The following DACT2 variants were observed in gnomAD, a reference collection of about 807,000 sequenced individuals.
DACT2 encodes the protein dishevelled binding antagonist of beta catenin 2.
In DACT2, 20 loss-of-function variants were observed where a neutral mutation model predicts 22.2. The ratio of observed to expected loss-of-function variants is 0.90; its 90% confidence interval spans 0.63 to 1.31. The LOEUF is 1.31. DACT2 is among the 50% of genes most tolerant of loss of function. The probability of loss-of-function intolerance (pLI) is 0.00; values close to 1 mark genes in which losing one functional copy is unlikely to be tolerated. For synonymous variants in DACT2, 463 were observed against 479.8 expected, an observed-to-expected ratio of 0.96 and a Z score of 0.46; for missense variants, 1,048 against 1,061.4, an observed-to-expected ratio of 0.99 and a Z score of 0.18.
In DACT2 at chr6:168,307,697, C is replaced by T. The variant is rs200959284; in HGVS notation, c.2060G>A (p.Ser687Asn). The change falls in exon 4 of 4, where the codon AGT (serine) becomes AAT (asparagine). Residue 687 changes from serine (S) to asparagine (N), a missense_variant. By Grantham distance (46) the Ser-to-Asn change is conservative. Transcript: ENST00000366795. The surrounding 1 kb of genome is among the most constrained non-coding windows in gnomAD (Gnocchi z 5.3). ...TCCGAATCGGTTGGTGGTGTGGTCACTGGACTCTCCCTCGCTGGTCTCCGG... is the reference window on the plus strand; with the variant it reads ...TCCGAATCGGTTGGTGGTGTGGTCATTGGACTCTCCCTCGCTGGTCTCCGG... ...VIPETSEGES[S>N]DHTTNRFGDR... 1,029 of 1,550,394 alleles carry T rather than the reference C, an allele frequency of 6.6e-4. 1 individual carries two copies. Among genetic ancestry groups the T allele is most frequent in the Non-Finnish European group, 7.9e-4 (910 of 1,146,824 alleles).
Position 168,308,212 on chromosome 6 carries a change from C to T in DACT2, c.1545G>A (p.Leu515=), listed in dbSNP as rs1448826689. 16 of 1,551,816 alleles carry T rather than the reference C, an allele frequency of 1.0e-5. No homozygotes were observed. The highest frequency in any genetic ancestry group is 1.4e-5 in the Non-Finnish European group (16 of 1,147,048). ...CTCCCTCAGGCCTGTCCAGTAGAAG[C>T]AGCGGCTGCCTTGCAAACCTCAGCA... ...DKVLRFARQP[L]LLLDRPEGAH... is the part of the protein sequence containing the mutation. Residue 515 remains leucine (L), a synonymous_variant, in exon 4 of 4, where the codon CTG becomes CTA. Coordinates refer to ENST00000366795, the MANE Select transcript of DACT2 (RefSeq NM_214462.5).
intron 3 of DACT2, chr6:168,299,127 C>T (rs1388161494): frequency 6.6e-6 from 1 of 152,186 alleles, no homozygotes; most frequent in Non-Finnish European, 1.5e-5. Flanking sequence ...TAATAAATTA[C>T]TATTTTCCCT....
chr6:168,299,094 A>T (rs80144690), intron 3 of DACT2: 1,963 of 152,316 alleles, frequency 0.013, 42 homozygotes, highest in African/African-American at 0.045. Flanking sequence ...CATTTTCTCA[A>T]CTACAAGTCC....
Position 168,308,872 on chromosome 6 carries a change from G to A in DACT2, c.885C>T (p.Thr295=), listed in dbSNP as rs749030019. 4.6e-5 allele frequency: 71 copies of A among 1,550,914 alleles called. No individual in the cohort carries two copies. Among genetic ancestry groups the A allele is most frequent in the Non-Finnish European group, 6.1e-5 (70 of 1,146,852 alleles). ...QSPLFVLTKE[T]PQRGGPSFPR... ...GGAACGAGGGGCCACCTCTCTGTGG[G>A]GTTTCCTTAGTCAGGACAAACAGGG... The change falls in exon 4 of 4, where the codon ACC becomes ACT. Residue 295 remains threonine, a synonymous_variant. Transcript: ENST00000366795.
At chr6:168,294,052 C>T (rs534581830) in intron 5 of DACT2, 47 of 703,010 alleles carry the variant, frequency 6.7e-5, no homozygotes, top group East Asian at 1.1e-4. Context: ...AGAGCACCCA[C>T]GATGCCCATG....
At chr6:168,294,595 A>ATATATATATATATATATG in intron 4 of DACT2, 1 of 623,608 alleles carries the variant, frequency 1.6e-6, no homozygotes, top group Non-Finnish European at 2.3e-6. Context: ...ATATATATAT[A>ATATATATATATATATATG]TATATATACA....
intron 3 of DACT2, chr6:168,299,618 C>T (rs1220780032): frequency 6.6e-6 from 1 of 152,174 alleles, no homozygotes; most frequent in African/African-American, 2.4e-5. Context: ...CACAGCTGGA[C>T]AAAACAAGGC....
chr6:168,315,463 AC>A (rs1161772175), intron 1 of DACT2, among the ~76,000 whole-genome samples: 1 of 152,168 alleles, frequency 6.6e-6, no homozygotes, highest in African/African-American at 2.4e-5. Context: ...CAGCAAACCC[AC>A]TTGGGTCGGA....
chr6:168,311,582 A>AC (rs1562498509), intron 1 of DACT2, among the ~76,000 whole-genome samples: 20 of 77,542 alleles, frequency 2.6e-4, no homozygotes, highest in Admixed American at 9.8e-4. Context: ...ACACACACCC[A>AC]TCCACACACA....
chr6:168,311,125 G>C lies in DACT2; in HGVS notation c.379+27C>G, dbSNP rs200884079. ...GCCTGTGCTGCGTGCCTGCCCCTGTGTCCGGGAGGTCAGGGCGCCCTGGTA... is the reference window on the plus strand; with the variant it reads ...GCCTGTGCTGCGTGCCTGCCCCTGTCTCCGGGAGGTCAGGGCGCCCTGGTA... On this transcript the variant is annotated intron_variant, in intron 2 of 3. Coordinates refer to ENST00000366795, the MANE Select transcript of DACT2 (RefSeq NM_214462.5). The C allele has an allele frequency of 2.6e-3, 3,928 of 1,506,084 alleles. 16 individuals are homozygous for C. Among genetic ancestry groups the C allele is most frequent in the South Asian group, 0.011 (933 of 81,512 alleles). The allele number at this position is 1,506,084 out of a possible 1,614,324, so 93.3% of individuals were successfully genotyped here. A position where few individuals can be genotyped will look rare whatever the true frequency, so the allele number is the denominator to read the frequency against.
Position 168,308,934 on chromosome 6 carries a change from A to G in DACT2, c.823T>C (p.Tyr275His). The change falls in exon 4 of 4, where the codon TAC becomes CAC. Residue 275 changes from tyrosine (Y) to histidine (H), a missense_variant. Transcript: ENST00000366795. ...VSQGGREVYP[Y>H]PSPLHAVALQ... ...GCCACGGCGTGCAGGGGGCTGGGGT[A>G]CGGGTACACCTCCCTGCCGCCCTGG... 6 of 1,550,236 alleles carry G rather than the reference A, an allele frequency of 3.9e-6. No homozygotes were observed. Among genetic ancestry groups the G allele is most frequent in the Non-Finnish European group, 5.2e-6 (6 of 1,146,942 alleles).
chr6:168,293,049 T>C (rs1253099283), exon 6 of DACT2: 2 of 152,190 alleles, frequency 1.3e-5, no homozygotes, highest in African/African-American at 2.4e-5. Context: ...AATAATTGAA[T>C]GTCTGGACTT....
downstream of DACT2, among the ~76,000 whole-genome samples, chr6:168,303,851 A>G (rs1414600480): frequency 6.6e-6 from 1 of 152,192 alleles, no homozygotes; most frequent in Non-Finnish European, 1.5e-5. Context: ...TAATATTATA[A>G]TTAAATCTTT....
chr6:168,312,384 A>AC (rs1779442846), intron 1 of DACT2, among the ~76,000 whole-genome samples: 1 of 152,172 alleles, frequency 6.6e-6, no homozygotes, highest in Admixed American at 6.5e-5. Context: ...TTTTGTAGAG[A>AC]CAGGGTCTTG....
chr6:168,307,349 C>T lies in DACT2; in HGVS notation c.*83G>A. 1 of 1,508,548 alleles carries T rather than the reference C, an allele frequency of 6.6e-7. No homozygotes were observed. The highest frequency in any genetic ancestry group is 8.9e-7 in the Non-Finnish European group (1 of 1,129,422). The allele number at this position is 1,508,548 out of a possible 1,614,324, so 93.4% of individuals were successfully genotyped here. On this transcript the variant is annotated 3_prime_UTR_variant, in exon 4 of 4. Coordinates refer to ENST00000366795, the MANE Select transcript of DACT2 (RefSeq NM_214462.5). This position sits in a 1 kb window ranked among gnomAD's most constrained non-coding sequence, Gnocchi z 5.3. ...AAGATAAAGCGACTTGGCAAGACGA[C>T]ACTGAAACCCAGACATGCACAGGAC...
chr6:168,307,910 G>T lies in DACT2; in HGVS notation c.1847C>A (p.Ser616Ter). The part of the protein sequence containing the change: ...HRRWQSTVEI[S>*]ARARLASCPE... ...ACAGCTGGCCAGGCGGGCCCGGGCC[G>T]AGATCTCCACGGTGGACTGCCAGCG... The change falls in exon 4 of 4, where the codon TCG (serine) becomes TAG (stop). Residue 616 changes from serine (S) to a stop codon, truncating the protein, a stop_gained. Coordinates refer to ENST00000366795, the MANE Select transcript of DACT2 (RefSeq NM_214462.5). LOFTEE classifies it low-confidence loss of function (END_TRUNC). This position sits in a 1 kb window ranked among gnomAD's most constrained non-coding sequence, Gnocchi z 5.3. 6.5e-7 allele frequency: 1 copy of T among 1,543,770 alleles called. No homozygotes were observed.
chr6:168,304,458 T>C (rs1779163860), downstream of DACT2, among the ~76,000 whole-genome samples: 1 of 152,246 alleles, frequency 6.6e-6, no homozygotes, highest in Non-Finnish European at 1.5e-5. Context: ...GGGCTTCTTA[T>C]GACTGGCGTT....
At chr6:168,294,555 GTGTGTA>G (rs1408146018) in intron 4 of DACT2, 2 of 673,018 alleles carry the variant, frequency 3.0e-6, no homozygotes, top group African/African-American at 3.6e-5. Flanking sequence ...ATATGTGTGT[GTGTGTA>G]TGTGTGTGTG....
At chr6:168,294,803 C>A (rs900493146) in intron 3 of DACT2, 5 of 462,850 alleles carry the variant, frequency 1.1e-5, no homozygotes, top group African/African-American at 8.3e-5. Context: ...CTGCATGCAA[C>A]TTAGATTTTA....
Sources: gnomAD v4.1 joint callset for allele counts (sites outside exome capture counted in the v4.1 genomes callset) on GRCh38, gnomAD v4.1.1 for gene constraint, Gnocchi (gnomAD v3.1) non-coding constraint, MANE v1.5 for transcripts, NCBI Gene and HGNC (gene_info 2026-07-23, HGNC 2026-07-21) for gene names.